TUSC3: variants seen among roughly 807,000 people sequenced by gnomAD.
The protein encoded by TUSC3 is tumor suppressor candidate 3.
In TUSC3, 45 loss-of-function variants were observed where a neutral mutation model predicts 44.8. That is an observed-to-expected ratio of 1.00 (90% CI 0.79 to 1.29). The LOEUF (loss-of-function observed/expected upper bound fraction) is 1.29, where lower values mean the gene tolerates loss of function less well. Ranked by LOEUF, TUSC3 falls within the 50% of genes most tolerant of loss-of-function variation. TUSC3 has a pLI of 0.00. For synonymous variants in TUSC3, 212 were observed against 152.9 expected, an observed-to-expected ratio of 1.39 and a Z score of -2.85; for missense variants, 519 against 437.9, an observed-to-expected ratio of 1.19 and a Z score of -1.65.
At chr8:15,817,166 A>C in the TUSC3 span, among the ~76,000 whole-genome samples, 1 of 152,146 alleles carries the variant, frequency 6.6e-6, no homozygotes, top group Non-Finnish European at 1.5e-5. Flanking sequence ...CTTTTTTAAA[A>C]ACTCAGGTAG....
chr8:15,611,660 T>G (rs1804766159), intron 1 of TUSC3, among the ~76,000 whole-genome samples: 1 of 152,162 alleles, frequency 6.6e-6, no homozygotes, highest in African/African-American at 2.4e-5. Context: ...AATGGTGTAT[T>G]TGTTTAATTT....
chr8:15,499,498 C>G (rs1029614112), intron 2 of TUSC3, among the ~76,000 whole-genome samples: 27 of 152,228 alleles, frequency 1.8e-4, no homozygotes, highest in African/African-American at 5.8e-4. Flanking sequence ...GCAGCTTTGC[C>G]TATATTTGAA....
chr8:15,786,028 T>C, the TUSC3 span, among the ~76,000 whole-genome samples: 1 of 152,224 alleles, frequency 6.6e-6, no homozygotes, highest in South Asian at 2.1e-4. Flanking sequence ...ATTCTTGAGA[T>C]GTTTTAAAAA....
the TUSC3 span, among the ~76,000 whole-genome samples, chr8:15,802,108 A>C: frequency 6.6e-6 from 1 of 152,148 alleles, no homozygotes; most frequent in Non-Finnish European, 1.5e-5. Context: ...TGCGCCTGTG[A>C]AGACACACCA....
chr8:15,573,216 A>C lies in TUSC3; in HGVS notation c.138+32648A>C, dbSNP rs1382336119. 1.9e-3 allele frequency among the ~76,000 whole-genome samples: 260 copies of C among 139,054 alleles called. 6 individuals are homozygous for C. The highest frequency in any genetic ancestry group is 6.8e-3 in the African/African-American group (244 of 36,080). The allele number at this position is 139,054 out of a possible 152,430, so 91.2% of individuals were successfully genotyped here. ...TCTCTCTCTCTCTATATATATATAT[A>C]TATATATATATATAAAAGTTTTTTT... is the stretch of plus-strand genomic sequence containing the variant. On this transcript the variant is annotated intron_variant, in intron 1 of 10. Coordinates refer to ENST00000503731, the MANE Select transcript of TUSC3 (RefSeq NM_006765.4).
At chr8:15,803,198 TAAAAC>T in the TUSC3 span, among the ~76,000 whole-genome samples, 1,301 of 132,472 alleles carry the variant, frequency 9.8e-3, 15 homozygotes, top group African/African-American at 0.03. Context: ...CGTGCTTTAT[TAAAAC>T]AAATAGAATT....
intron 1 of TUSC3, among the ~76,000 whole-genome samples, chr8:15,439,997 A>G (rs28760385): frequency 0.095 from 14,416 of 152,244 alleles, 1,204 homozygotes; most frequent in African/African-American, 0.22. Flanking sequence ...TATACCAGGC[A>G]CAGGGATAAG....
At chr8:15,706,949 G>A (rs1809643488) in intron 6 of TUSC3, among the ~76,000 whole-genome samples, 1 of 151,824 alleles carries the variant, frequency 6.6e-6, no homozygotes, top group Admixed American at 6.6e-5. Context: ...CTGATAATTA[G>A]GAAAATGCTA....
chr8:15,601,893 A>G (rs1171604618), intron 1 of TUSC3, among the ~76,000 whole-genome samples: 2 of 141,040 alleles, frequency 1.4e-5, no homozygotes, highest in Non-Finnish European at 3.1e-5. Context: ...GAATATATTC[A>G]TATAATATTG....
chr8:15,513,923 T>C (rs946130120), intron 2 of TUSC3, among the ~76,000 whole-genome samples: 1 of 152,176 alleles, frequency 6.6e-6, no homozygotes. Flanking sequence ...ATGCCTCAGC[T>C]TCTCTTCCTC....
chr8:15,442,346 G>A (rs1800031909), intron 1 of TUSC3, among the ~76,000 whole-genome samples: 1 of 151,802 alleles, frequency 6.6e-6, no homozygotes, highest in Non-Finnish European at 1.5e-5. Flanking sequence ...AAAGGTAAAG[G>A]TTTTATTTAT....
intron 1 of TUSC3, among the ~76,000 whole-genome samples, chr8:15,562,190 G>A (rs1020584277): frequency 2.6e-4 from 40 of 152,100 alleles, no homozygotes; most frequent in African/African-American, 9.7e-4. Flanking sequence ...CACAATTACT[G>A]CGTGAGGTTG....
At chr8:15,827,799 C>A in the TUSC3 span, among the ~76,000 whole-genome samples, 31 of 152,168 alleles carry the variant, frequency 2.0e-4, no homozygotes, top group African/African-American at 7.5e-4. Flanking sequence ...AGATTTAGAA[C>A]TTCAAGTTGA....
At chr8:15,735,592 G>C (rs1191697985) in intron 7 of TUSC3, among the ~76,000 whole-genome samples, 2 of 152,210 alleles carry the variant, frequency 1.3e-5, no homozygotes, top group Admixed American at 1.3e-4. Context: ...AACCTCTGTG[G>C]TGAATAGGCC....
At chr8:15,666,610 G>C (rs987741793) in intron 5 of TUSC3, among the ~76,000 whole-genome samples, 2 of 150,986 alleles carry the variant, frequency 1.3e-5, no homozygotes, top group African/African-American at 4.9e-5. Flanking sequence ...TTCAAATGGG[G>C]GTAGAAAAGG....
chr8:15,459,873 T>C (rs1479448955), intron 1 of TUSC3, among the ~76,000 whole-genome samples: 5 of 147,296 alleles, frequency 3.4e-5, no homozygotes, highest in Admixed American at 6.7e-5. Flanking sequence ...TGTGTGTGTG[T>C]GTATACATAC....
intron 2 of TUSC3, among the ~76,000 whole-genome samples, chr8:15,489,343 G>C (rs1478088322): frequency 6.6e-6 from 1 of 152,160 alleles, no homozygotes; most frequent in Non-Finnish European, 1.5e-5. Flanking sequence ...AAGTTAAGGG[G>C]TTGTGGAAAC....
At chr8:15,740,224 C>G (rs936071022) in intron 7 of TUSC3, among the ~76,000 whole-genome samples, 7 of 151,956 alleles carry the variant, frequency 4.6e-5, no homozygotes, top group African/African-American at 1.7e-4. Context: ...GTGGGAATAA[C>G]AAGTTCAAAG....
At chr8:15,753,554 C>T (rs943003644) in intron 9 of TUSC3, among the ~76,000 whole-genome samples, 1 of 152,146 alleles carries the variant, frequency 6.6e-6, no homozygotes, top group East Asian at 1.9e-4. Flanking sequence ...GTTTTAATCC[C>T]TTTTGTTAGT....
Sources: allele counts gnomAD v4.1 joint callset (sites outside exome capture counted in the v4.1 genomes callset), GRCh38; gene constraint gnomAD v4.1.1; transcripts MANE v1.5; gene names NCBI Gene and HGNC (gene_info 2026-07-23, HGNC 2026-07-21).